Variants in RNF144B observed in about 807,000 individuals in gnomAD.
RNF144B encodes the protein ring finger protein 144B.
A neutral mutation model predicts 40.2 loss-of-function variants in RNF144B; 25 were observed. The observed-to-expected ratio is 0.62, with a 90% CI of 0.45 to 0.87. RNF144B has a LOEUF of 0.87. RNF144B is among the 40% of genes least tolerant of loss of function. The pLI, the probability that RNF144B is intolerant of heterozygous loss-of-function variation, is 0.00. For synonymous variants in RNF144B, 145 were observed against 136.3 expected (o/e 1.06, Z -0.44); for missense variants, 365 against 373.7 (o/e 0.98, Z 0.19).
chr6:18,435,136 A>G (rs56791864), intron 3 of RNF144B, among the ~76,000 whole-genome samples: 1,655 of 152,322 alleles, frequency 0.011, 31 homozygotes, highest in African/African-American at 0.038. Flanking sequence ...GATCATGAGG[A>G]CCAAAAGTTG....
intron 3 of RNF144B, among the ~76,000 whole-genome samples, chr6:18,432,425 A>G (rs535342749): frequency 1.3e-5 from 2 of 152,330 alleles, no homozygotes; most frequent in South Asian, 4.1e-4. Context: ...ACTTTCCTCT[A>G]TTGCATCATC....
chr6:18,433,290 G>A (rs753746937), intron 3 of RNF144B, among the ~76,000 whole-genome samples: 6 of 152,306 alleles, frequency 3.9e-5, no homozygotes, highest in South Asian at 2.1e-4. Flanking sequence ...GCTGCAATAC[G>A]TGTTGGCTGG....
At chr6:18,394,658 A>G (rs1188142084) in intron 1 of RNF144B, among the ~76,000 whole-genome samples, 3 of 151,708 alleles carry the variant, frequency 2.0e-5, no homozygotes, top group Non-Finnish European at 2.9e-5. Context: ...CATCATTTGC[A>G]TTTTTGGAGC....
rs1381448572 is a variant in RNF144B at position 18,459,520 on chromosome 6, T to C, written c.537-87T>C. On this transcript the variant is annotated intron_variant, in intron 5 of 7. Transcript: ENST00000259939. The surrounding 1 kb of genome is among the most constrained non-coding windows in gnomAD (Gnocchi z 4.2). ...GAAGTGAATTAAGCATGGATAACTG[T>C]GAGTTCATTATCTAACCATCAGGAG... The C allele has an allele frequency of 7.4e-7, 1 of 1,355,220 alleles. No individual in the cohort carries two copies. The highest frequency in any genetic ancestry group is 1.0e-6 in the Non-Finnish European group (1 of 970,272). 83.9% of individuals were successfully genotyped at this position (1,355,220 alleles called of 1,614,324 possible). A position where few individuals can be genotyped will look rare whatever the true frequency, so the allele number is the denominator to read the frequency against.
At chr6:18,424,518 C>T (rs964255479) in intron 2 of RNF144B, among the ~76,000 whole-genome samples, 4 of 152,052 alleles carry the variant, frequency 2.6e-5, no homozygotes, top group Non-Finnish European at 4.4e-5. Context: ...CACCCAAAAT[C>T]GTGGGTCATA....
rs1186822776 is a variant in RNF144B at position 18,414,678 on chromosome 6, A to G, written c.166-12903A>G. Among the ~76,000 whole-genome samples the G allele has an allele frequency of 6.6e-6, 1 of 152,204 alleles. No homozygotes were observed. Among genetic ancestry groups the G allele is most frequent in the Non-Finnish European group, 1.5e-5 (1 of 68,028 alleles). ...TTCAAACTGGTTTAAATACTGAGAC[A>G]GATTTTATTTAAAATATAGGATTTC... On this transcript the variant is annotated intron_variant, in intron 2 of 7. Coordinates refer to ENST00000259939, the MANE Select transcript of RNF144B (RefSeq NM_182757.4). The surrounding 1 kb of genome is among the most constrained non-coding windows in gnomAD (Gnocchi z 4.9).
rs933775623 is a variant in RNF144B at position 18,422,246 on chromosome 6, C to A, written c.166-5335C>A. ...TGCTAATAATTTAACTCAACAGCATCTAACAAAGGCAGTCTTATTCTTGGA... is the reference window on the plus strand; with the variant it reads ...TGCTAATAATTTAACTCAACAGCATATAACAAAGGCAGTCTTATTCTTGGA... On this transcript the variant is annotated intron_variant, in intron 2 of 7. Transcript: ENST00000259939. The surrounding 1 kb of genome is among the most constrained non-coding windows in gnomAD (Gnocchi z 4.7). 1.3e-5 allele frequency among the ~76,000 whole-genome samples: 2 copies of A among 152,150 alleles called. No homozygotes were observed. The highest frequency in any genetic ancestry group is 2.9e-5 in the Non-Finnish European group (2 of 68,034).
rs778495892 is a variant in RNF144B, at chr6:18,406,610, A to G, written c.165+6911A>G. ...CCAGTCCAAGTCTGAAGGCTTGAGA[A>G]CTAAGAGAGCCAGTGGTATAAGTCC... On this transcript the variant is annotated intron_variant, in intron 2 of 7. Coordinates refer to ENST00000259939, the MANE Select transcript of RNF144B (RefSeq NM_182757.4). This position sits in a 1 kb window ranked among gnomAD's most constrained non-coding sequence, Gnocchi z 4.2. 1.3e-5 allele frequency among the ~76,000 whole-genome samples: 2 copies of G among 151,992 alleles called. No homozygotes were observed. The highest frequency in any genetic ancestry group is 2.9e-5 in the Non-Finnish European group (2 of 67,968).
At chr6:18,396,854 T>C (rs1174535121) in intron 1 of RNF144B, 1 of 983,228 alleles carries the variant, frequency 1.0e-6, no homozygotes, top group Non-Finnish European at 1.2e-6. Context: ...CGTATGTTTA[T>C]CATAAAGAGA....
chr6:18,389,253 G>A (rs1043225902), intron 1 of RNF144B, among the ~76,000 whole-genome samples: 1 of 152,144 alleles, frequency 6.6e-6, no homozygotes, highest in Non-Finnish European at 1.5e-5. Flanking sequence ...AACTAGGTCA[G>A]CTTAAGACAT....
At chr6:18,426,137 T>C (rs1024394836) in intron 2 of RNF144B, among the ~76,000 whole-genome samples, 2 of 152,248 alleles carry the variant, frequency 1.3e-5, no homozygotes, top group African/African-American at 4.8e-5. Flanking sequence ...CCCTAGAATT[T>C]TACTTTTGGC....
In RNF144B at chr6:18,459,513, A is replaced by G. The variant is rs1373083696; in HGVS notation, c.537-94A>G. The G allele has an allele frequency of 7.8e-7, 1 of 1,281,694 alleles. No homozygotes were observed. The highest frequency in any genetic ancestry group is 1.1e-6 in the Non-Finnish European group (1 of 909,086). The allele number at this position is 1,281,694 out of a possible 1,614,324, so 79.4% of individuals were successfully genotyped here. On this transcript the variant is annotated intron_variant, in intron 5 of 7. Transcript: ENST00000259939. This position sits in a 1 kb window ranked among gnomAD's most constrained non-coding sequence, Gnocchi z 4.2. The stretch of plus-strand genomic sequence containing the variant: ...TCTTTTGGAAGTGAATTAAGCATGG[A>G]TAACTGTGAGTTCATTATCTAACCA...
At chr6:18,417,934 G>C (rs1465916597) in intron 2 of RNF144B, among the ~76,000 whole-genome samples, 1 of 152,262 alleles carries the variant, frequency 6.6e-6, no homozygotes, top group Admixed American at 6.5e-5. Context: ...AGATAGTTCT[G>C]AATAGGGACT....
chr6:18,410,749 T>C lies in RNF144B; in HGVS notation c.165+11050T>C, dbSNP rs1224626005. Reference sequence around the variant, plus strand: ...TTGTTTGGGAATGAGATAGGGAGGATGGCGTCGGTACAGGATAGAGAATGG... The same window carrying C: ...TTGTTTGGGAATGAGATAGGGAGGACGGCGTCGGTACAGGATAGAGAATGG... On this transcript the variant is annotated intron_variant, in intron 2 of 7. Coordinates refer to ENST00000259939, the MANE Select transcript of RNF144B (RefSeq NM_182757.4). This position sits in a 1 kb window ranked among gnomAD's most constrained non-coding sequence, Gnocchi z 4.6. Among the ~76,000 whole-genome samples, 2 of 151,864 alleles carry C rather than the reference T, an allele frequency of 1.3e-5. No homozygotes were observed. Among genetic ancestry groups the C allele is most frequent in the African/African-American group, 4.8e-5 (2 of 41,332 alleles).
At chr6:18,421,936 T>C (rs1030385022) in intron 2 of RNF144B, among the ~76,000 whole-genome samples, 18 of 152,168 alleles carry the variant, frequency 1.2e-4, no homozygotes, top group Non-Finnish European at 4.4e-5. Context: ...TTGGTGCTTT[T>C]TCCTTTAATC....
Position 18,422,512 on chromosome 6 carries a change from C to T in RNF144B, c.166-5069C>T, listed in dbSNP as rs982755160. ...CTTTGGGCACATTCCCCCTCATCAC[C>T]TTCCTTCCCACTTGGCTGAGCTATG... is the stretch of plus-strand genomic sequence containing the variant. On this transcript the variant is annotated intron_variant, in intron 2 of 7. Coordinates refer to ENST00000259939, the MANE Select transcript of RNF144B (RefSeq NM_182757.4). This position sits in a 1 kb window ranked among gnomAD's most constrained non-coding sequence, Gnocchi z 4.7. Among the ~76,000 whole-genome samples the T allele has an allele frequency of 6.6e-6, 1 of 152,160 alleles. No homozygotes were observed. Among genetic ancestry groups the T allele is most frequent in the African/African-American group, 2.4e-5 (1 of 41,422 alleles).
In RNF144B at chr6:18,410,567, A is replaced by G. The variant is rs1795012040; in HGVS notation, c.165+10868A>G. Among the ~76,000 whole-genome samples, 1 of 152,142 alleles carries G rather than the reference A, an allele frequency of 6.6e-6. No homozygotes were observed. Among genetic ancestry groups the G allele is most frequent in the East Asian group, 1.9e-4 (1 of 5,192 alleles). Reference sequence around the variant, plus strand: ...ACATGTGAGAACACAGAATCAGGGAAGAGTGACCTGCTGAGGAACCAAACC... The same window carrying G: ...ACATGTGAGAACACAGAATCAGGGAGGAGTGACCTGCTGAGGAACCAAACC... On this transcript the variant is annotated intron_variant, in intron 2 of 7. Transcript: ENST00000259939. This position sits in a 1 kb window ranked among gnomAD's most constrained non-coding sequence, Gnocchi z 4.6.
rs1795107618 is a variant in RNF144B, at chr6:18,414,495, A to C, written c.166-13086A>C. On this transcript the variant is annotated intron_variant, in intron 2 of 7. Coordinates refer to ENST00000259939, the MANE Select transcript of RNF144B (RefSeq NM_182757.4). This position sits in a 1 kb window ranked among gnomAD's most constrained non-coding sequence, Gnocchi z 4.9. Reference sequence around the variant, plus strand: ...GGTGATGAGTTAGCTTTATTCTGTCACTTATACAGTGTTAATATTCTTTTA... The same window carrying C: ...GGTGATGAGTTAGCTTTATTCTGTCCCTTATACAGTGTTAATATTCTTTTA... Among the ~76,000 whole-genome samples the C allele has an allele frequency of 6.6e-6, 1 of 152,172 alleles. No homozygotes were observed. Among genetic ancestry groups the C allele is most frequent in the Non-Finnish European group, 1.5e-5 (1 of 68,026 alleles).
In RNF144B at chr6:18,448,196, AG is replaced by A. The variant is rs1175302228; in HGVS notation, c.331+8455del. On this transcript the variant is annotated intron_variant, in intron 4 of 7. Transcript: ENST00000259939. This position sits in a 1 kb window ranked among gnomAD's most constrained non-coding sequence, Gnocchi z 4.0. Reference sequence around the variant, plus strand: ...GAAAGGAACTTATGATCCAGCAGAAAGGGATGATACAGGAGAGGGAGGGGGG... The same window carrying A: ...GAAAGGAACTTATGATCCAGCAGAAAGGATGATACAGGAGAGGGAGGGGGG... Among the ~76,000 whole-genome samples, 12 of 152,248 alleles carry A rather than the reference AG, an allele frequency of 7.9e-5. 1 individual carries two copies. Among genetic ancestry groups the A allele is most frequent in the African/African-American group, 2.9e-4 (12 of 41,558 alleles).
Sources: gnomAD v4.1 joint callset for allele counts (sites outside exome capture counted in the v4.1 genomes callset) on GRCh38, gnomAD v4.1.1 for gene constraint, Gnocchi (gnomAD v3.1) non-coding constraint, MANE v1.5 for transcripts, NCBI Gene and HGNC (gene_info 2026-07-23, HGNC 2026-07-21) for gene names.